Variants in RBFOX1 observed in about 807,000 individuals in gnomAD.
The protein encoded by RBFOX1 is RNA binding fox-1 homolog 1, also known as RNA binding protein fox-1 homolog 1.
RBFOX1 carries 8 observed loss-of-function variants against 57.7 expected under a neutral mutation model. The observed-to-expected ratio is 0.14, with a 90% confidence interval of 0.08 to 0.25. The LOEUF is 0.25. RBFOX1 is among the 10% of genes least tolerant of loss of function. The pLI is 1.00. For synonymous variants in RBFOX1, 326 were observed against 222.4 expected, an observed-to-expected ratio of 1.47 and a Z score of -4.15; for missense variants, 611 against 548.5, an observed-to-expected ratio of 1.11 and a Z score of -1.14.
chr16:5,369,122 C>G (rs2065797884), intron 1 of RBFOX1, among the ~76,000 whole-genome samples: 2 of 152,174 alleles, frequency 1.3e-5, no homozygotes, highest in South Asian at 4.1e-4. Flanking sequence ...CTGTCTCAGC[C>G]TCACAAGTAG....
At chr16:5,766,493 G>A (rs920133950) in intron 3 of RBFOX1, among the ~76,000 whole-genome samples, 1 of 152,136 alleles carries the variant, frequency 6.6e-6, no homozygotes, top group African/African-American at 2.4e-5. Context: ...GCTGAGGCAG[G>A]GGAATTGCTT....
chr16:6,927,233 C>G (rs2075750674), intron 3 of RBFOX1, among the ~76,000 whole-genome samples: 1 of 151,384 alleles, frequency 6.6e-6, no homozygotes, highest in Non-Finnish European at 1.5e-5. Context: ...GCTGAAGCTG[C>G]CAGTTCCCAT....
chr16:6,540,888 C>T (rs921589323), intron 2 of RBFOX1, among the ~76,000 whole-genome samples: 4 of 151,978 alleles, frequency 2.6e-5, no homozygotes, highest in African/African-American at 7.3e-5. Flanking sequence ...ATTATAAATC[C>T]GTTAAAATGT....
intron 4 of RBFOX1, among the ~76,000 whole-genome samples, chr16:5,998,143 G>A (rs1332063538): frequency 6.6e-6 from 1 of 152,138 alleles, no homozygotes; most frequent in Non-Finnish European, 1.5e-5. Flanking sequence ...AACCTACCAA[G>A]TCCCTGTACG....
chr16:7,211,701 GGGTGGGTTTCCTTTTCAGCTCTCGTGCCA>G (rs2091176112), intron 4 of RBFOX1, among the ~76,000 whole-genome samples: 2 of 152,128 alleles, frequency 1.3e-5, no homozygotes, highest in East Asian at 3.9e-4. Context: ...CTGGGGTAAT[GGGTGGGTTTCCTTTTCAGCTCTCGTGCCA>G]GGTGGGCATT....
chr16:6,927,208 G>A (rs974685453), intron 3 of RBFOX1, among the ~76,000 whole-genome samples: 10 of 151,632 alleles, frequency 6.6e-5, no homozygotes, highest in South Asian at 2.1e-4. Context: ...ATTTTTTAAC[G>A]AAACCCTAGG....
chr16:7,656,717 G>A (rs1372452596), intron 12 of RBFOX1, among the ~76,000 whole-genome samples: 2 of 152,088 alleles, frequency 1.3e-5, no homozygotes, highest in Non-Finnish European at 2.9e-5. Flanking sequence ...GTGCTGAAGA[G>A]ACAAATGGCA....
chr16:7,705,939 G>C (rs1045249699), intron 14 of RBFOX1, among the ~76,000 whole-genome samples: 6 of 152,172 alleles, frequency 3.9e-5, no homozygotes, highest in African/African-American at 1.4e-4. Context: ...ACTTTGGCCA[G>C]GGATGCATGG....
chr16:7,415,006 G>T (rs181616649), intron 4 of RBFOX1, among the ~76,000 whole-genome samples: 131 of 152,350 alleles, frequency 8.6e-4, no homozygotes, highest in Middle Eastern at 3.4e-3. Flanking sequence ...GAGCTTATAT[G>T]ATCACATAGT....
At chr16:7,047,080 A>G (rs1222664691) in intron 3 of RBFOX1, among the ~76,000 whole-genome samples, 1 of 150,298 alleles carries the variant, frequency 6.7e-6, no homozygotes, top group African/African-American at 2.5e-5. Context: ...GCCATTAAAC[A>G]TATTTTAATG....
intron 3 of RBFOX1, among the ~76,000 whole-genome samples, chr16:6,806,732 T>G (rs539256905): frequency 2.0e-5 from 3 of 149,090 alleles, no homozygotes; most frequent in African/African-American, 7.3e-5. Flanking sequence ...GGAGCATCTT[T>G]CTGTTTTTTC....
chr16:6,927,782 G>T (rs7342800), intron 3 of RBFOX1, among the ~76,000 whole-genome samples: 1 of 152,100 alleles, frequency 6.6e-6, no homozygotes, highest in Non-Finnish European at 1.5e-5. Flanking sequence ...TTTTTGTTCT[G>T]TTGAATTAAG....
intron 3 of RBFOX1, among the ~76,000 whole-genome samples, chr16:6,994,664 C>G (rs1006978860): frequency 6.6e-6 from 1 of 152,182 alleles, no homozygotes; most frequent in Non-Finnish European, 1.5e-5. Context: ...CACTTAATCT[C>G]TTTTATGCCT....
intron 3 of RBFOX1, among the ~76,000 whole-genome samples, chr16:5,791,327 AT>A (rs1162150122): frequency 1.3e-5 from 2 of 152,236 alleles, no homozygotes; most frequent in Non-Finnish European, 2.9e-5. Flanking sequence ...GCTATTAATA[AT>A]TATATCATCT....
chr16:7,215,778 G>T (rs2091933022), intron 4 of RBFOX1, among the ~76,000 whole-genome samples: 2 of 148,074 alleles, frequency 1.4e-5, no homozygotes, highest in Non-Finnish European at 3.0e-5. Flanking sequence ...AGGCGGGAGT[G>T]CAGTGGCGTG....
At position 6,673,148 on chromosome 16, in the gene RBFOX1, G is replaced by C. The variant is rs144336283; in HGVS notation, c.-16+18498G>C. 3.4e-3 allele frequency among the ~76,000 whole-genome samples: 518 copies of C among 152,278 alleles called. 3 individuals carry two copies. Among genetic ancestry groups the C allele is most frequent in the African/African-American group, 0.012 (498 of 41,564 alleles). On this transcript the variant is annotated intron_variant, in intron 3 of 15. Transcript: ENST00000550418. ...GAGGTGCAATTTCCAGGTGATCAGT[G>C]ATGTCTACACTTCCCAGGCTCATCA... is the stretch of plus-strand genomic sequence containing the variant.
intron 2 of RBFOX1, among the ~76,000 whole-genome samples, chr16:6,350,415 T>C (rs1020441835): frequency 1.2e-4 from 14 of 119,214 alleles, no homozygotes; most frequent in Non-Finnish European, 1.6e-5. Flanking sequence ...CGCTCCAGCC[T>C]GGGCAACAAG....
intron 3 of RBFOX1, among the ~76,000 whole-genome samples, chr16:6,741,411 C>T (rs1246490642): frequency 6.6e-6 from 1 of 152,014 alleles, no homozygotes; most frequent in Non-Finnish European, 1.5e-5. Flanking sequence ...GCCTGTAATA[C>T]CAGCACTTTG....
intron 5 of RBFOX1, among the ~76,000 whole-genome samples, chr16:7,561,892 T>C (rs1042260759): frequency 1.2e-4 from 18 of 152,286 alleles, no homozygotes; most frequent in African/African-American, 4.3e-4. Flanking sequence ...GGGAAATCTT[T>C]GAGCTAAGTG....
Sources: gnomAD v4.1 joint callset for allele counts (sites outside exome capture counted in the v4.1 genomes callset) on GRCh38, gnomAD v4.1.1 for gene constraint, MANE v1.5 for transcripts, NCBI Gene and HGNC (gene_info 2026-07-23, HGNC 2026-07-21) for gene names.